SLC25A21: variants seen among roughly 807,000 people sequenced by gnomAD.
SLC25A21 encodes the protein solute carrier family 25 member 21.
SLC25A21 carries 47 observed loss-of-function variants against 43.8 expected under a neutral mutation model. That is an observed-to-expected ratio of 1.07 (90% CI 0.85 to 1.37). The LOEUF is 1.37. SLC25A21 is among the 40% of genes most tolerant of loss of function. SLC25A21 has a pLI of 0.00. For synonymous variants in SLC25A21, 131 were observed against 121.3 expected, an observed-to-expected ratio of 1.08 and a Z score of -0.52; for missense variants, 352 against 350.2, an observed-to-expected ratio of 1.00 and a Z score of -0.04.
At chr14:37,109,367 G>A (rs1355140576) in intron 1 of SLC25A21, among the ~76,000 whole-genome samples, 1 of 149,706 alleles carries the variant, frequency 6.7e-6, no homozygotes, top group Non-Finnish European at 1.5e-5. Flanking sequence ...AATCAAGGAA[G>A]GAAAGGAAGA....
At chr14:37,080,822 C>T (rs1962372534) in intron 1 of SLC25A21, among the ~76,000 whole-genome samples, 1 of 152,154 alleles carries the variant, frequency 6.6e-6, no homozygotes, top group Admixed American at 6.5e-5. Context: ...ATCAAGATAT[C>T]TCATAGAATT....
chr14:36,692,879 G>T (rs1043921476), intron 7 of SLC25A21, among the ~76,000 whole-genome samples: 24 of 152,318 alleles, frequency 1.6e-4, no homozygotes, highest in African/African-American at 5.8e-4. Flanking sequence ...CTGCAATTAA[G>T]TCACCCTTTA....
chr14:36,714,817 C>A (rs1031636948), intron 6 of SLC25A21, among the ~76,000 whole-genome samples: 1 of 152,056 alleles, frequency 6.6e-6, no homozygotes, highest in African/African-American at 2.4e-5. Context: ...AGTTACTCAC[C>A]CAAGATTACA....
At chr14:36,898,577 C>A (rs1891314360) in intron 1 of SLC25A21, among the ~76,000 whole-genome samples, 1 of 152,170 alleles carries the variant, frequency 6.6e-6, no homozygotes, top group Non-Finnish European at 1.5e-5. Context: ...GTGAGATGAA[C>A]CTGGTACCTC....
At chr14:37,009,880 T>C (rs1960692501) in intron 1 of SLC25A21, among the ~76,000 whole-genome samples, 1 of 152,182 alleles carries the variant, frequency 6.6e-6, no homozygotes, top group Non-Finnish European at 1.5e-5. Flanking sequence ...CAGGACACAT[T>C]GCTTTGCAAG....
chr14:37,069,158 C>A (rs1268058802), intron 1 of SLC25A21, among the ~76,000 whole-genome samples: 1 of 151,464 alleles, frequency 6.6e-6, no homozygotes, highest in Admixed American at 6.6e-5. Flanking sequence ...GCCTGAGCAA[C>A]AGAGTGAGAC....
intron 1 of SLC25A21, among the ~76,000 whole-genome samples, chr14:37,050,236 A>G (rs897367651): frequency 7.9e-5 from 12 of 152,212 alleles, no homozygotes; most frequent in African/African-American, 2.9e-4. Flanking sequence ...ATCCATAAAT[A>G]AGAACATTAA....
At chr14:37,083,508 C>T (rs144299313) in intron 1 of SLC25A21, among the ~76,000 whole-genome samples, 1 of 152,252 alleles carries the variant, frequency 6.6e-6, no homozygotes, top group East Asian at 1.9e-4. Flanking sequence ...TTATATACGG[C>T]AAGGATTATA....
At chr14:36,925,724 A>G (rs1190154092) in intron 1 of SLC25A21, among the ~76,000 whole-genome samples, 1 of 151,988 alleles carries the variant, frequency 6.6e-6, no homozygotes, top group Non-Finnish European at 1.5e-5. Flanking sequence ...GCACATGCCT[A>G]TAATTCCAGC....
rs1491108152 is a variant in SLC25A21, at chr14:36,680,588, G to GTC, written c.*68_*69dup. On this transcript the variant is annotated 3_prime_UTR_variant, in exon 10 of 10. Coordinates refer to ENST00000331299, the MANE Select transcript of SLC25A21 (RefSeq NM_030631.4). ...TAATTATACACCTGGCCGATCGATA[G>GTC]TCTCTCTTCTTCATGGTGCTGCATA... 1 of 1,547,728 alleles carries GTC rather than the reference G, an allele frequency of 6.5e-7. No homozygotes were observed. The highest frequency in any genetic ancestry group is 1.4e-5 in the African/African-American group (1 of 72,146).
At chr14:37,164,857 C>T (rs1450964485) in intron 1 of SLC25A21, among the ~76,000 whole-genome samples, 1 of 152,078 alleles carries the variant, frequency 6.6e-6, no homozygotes, top group Non-Finnish European at 1.5e-5. Context: ...TCATTAATTC[C>T]AGATTTCCCT....
intron 1 of SLC25A21, among the ~76,000 whole-genome samples, chr14:36,993,566 G>A (rs1960309076): frequency 6.6e-6 from 1 of 152,056 alleles, no homozygotes; most frequent in Admixed American, 6.6e-5. Flanking sequence ...ATTAATTTTA[G>A]AGTTAGTGAC....
chr14:36,760,304 T>C (rs755364615), intron 3 of SLC25A21, among the ~76,000 whole-genome samples: 12 of 149,502 alleles, frequency 8.0e-5, no homozygotes, highest in African/African-American at 1.2e-4. Context: ...TGTGACATTA[T>C]TGCCATGTTG....
At chr14:36,687,119 A>C (rs1882590183) in intron 7 of SLC25A21, among the ~76,000 whole-genome samples, 1 of 152,008 alleles carries the variant, frequency 6.6e-6, no homozygotes, top group Non-Finnish European at 1.5e-5. Context: ...ACCCAGCTAA[A>C]TTTTTGTATT....
In SLC25A21 at chr14:36,680,519, A is replaced by AATT. The variant is rs938491315; in HGVS notation, c.*138_*139insAAT. 41 of 1,315,188 alleles carry AATT rather than the reference A, an allele frequency of 3.1e-5. No homozygotes were observed. In the African/African-American group the frequency reaches 6.0e-4, roughly 19 times the overall value. 81.5% of individuals were successfully genotyped at this position (1,315,188 alleles called of 1,614,324 possible). On this transcript the variant is annotated 3_prime_UTR_variant, in exon 10 of 10. Transcript: ENST00000331299. ...CTCAAGTTGCCTATAGACATTTTTT[A>AATT]AAGTATTAAAATAGATTTTGTTCTT...
intron 3 of SLC25A21, among the ~76,000 whole-genome samples, chr14:36,737,010 G>A (rs1483612772): frequency 6.6e-6 from 1 of 152,184 alleles, no homozygotes; most frequent in African/African-American, 2.4e-5. Context: ...TGATCAAGCA[G>A]TCTGGATGGC....
intron 2 of SLC25A21, among the ~76,000 whole-genome samples, chr14:36,848,231 C>A (rs1233535122): frequency 6.6e-6 from 1 of 152,176 alleles, no homozygotes; most frequent in African/African-American, 2.4e-5. Flanking sequence ...AACTGTGGAA[C>A]CTATTCATAA....
intron 1 of SLC25A21, among the ~76,000 whole-genome samples, chr14:37,137,594 G>A (rs1056764688): frequency 6.6e-6 from 1 of 152,130 alleles, no homozygotes; most frequent in African/African-American, 2.4e-5. Flanking sequence ...GCTGTCAAAT[G>A]CATCATTTGT....
intron 1 of SLC25A21, among the ~76,000 whole-genome samples, chr14:36,965,349 T>A (rs998447250): frequency 6.6e-6 from 1 of 152,168 alleles, no homozygotes; most frequent in Non-Finnish European, 1.5e-5. Context: ...TTATGTTTTT[T>A]AATAAGTCTC....
Sources: allele counts gnomAD v4.1 joint callset (sites outside exome capture counted in the v4.1 genomes callset), GRCh38; gene constraint gnomAD v4.1.1; transcripts MANE v1.5; gene names NCBI Gene and HGNC (gene_info 2026-07-23, HGNC 2026-07-21).